PELI1: variants seen among roughly 807,000 people sequenced by gnomAD.
PELI1 encodes pellino E3 ubiquitin protein ligase 1.
PELI1 carries 15 observed loss-of-function variants against 41.3 expected under a neutral mutation model. The observed-to-expected ratio is 0.36, with a 90% CI of 0.24 to 0.56. The LOEUF (loss-of-function observed/expected upper bound fraction) is 0.56. PELI1 is among the 20% of genes least tolerant of loss of function. PELI1 has a pLI of 0.82. For synonymous variants in PELI1, 178 were observed against 180.1 expected (o/e 0.99, Z 0.09); for missense variants, 403 against 525.5 (o/e 0.77, Z 2.28).
intron 2 of PELI1, 50 bp downstream of exon 2, chr2:64,108,190 G>A: frequency 9.8e-7 from 1 of 1,020,552 alleles, no homozygotes; most frequent in Non-Finnish European, 1.5e-6. Context: ...AGATGCCAAA[G>A]TTAGCATATA....
chr2:64,103,113 A>G (rs1255106138), intron 3 of PELI1, among the ~76,000 whole-genome samples: 6 of 152,090 alleles, frequency 3.9e-5, no homozygotes, highest in Non-Finnish European at 5.9e-5. Flanking sequence ...AAGTGCTGGG[A>G]TTATAGGTGT....
In PELI1 at chr2:64,094,677, T is replaced by C. The variant is rs778032090; in HGVS notation, c.*25A>G. The C allele has an allele frequency of 1.2e-5, 19 of 1,556,274 alleles. No homozygotes were observed. Among genetic ancestry groups the C allele is most frequent in the Non-Finnish European group, 1.7e-5 (19 of 1,131,250 alleles). ...ACTCACTTAGCTTATAAATTTATAA[T>C]GTAGTCCTGCAAGACAATGGTCTGT... is the stretch of plus-strand genomic sequence containing the variant. On this transcript the variant is annotated 3_prime_UTR_variant, in exon 7 of 7. Coordinates refer to ENST00000358912, the MANE Select transcript of PELI1 (RefSeq NM_020651.4).
intron 1 of PELI1, among the ~76,000 whole-genome samples, chr2:64,135,916 T>C (rs913858382): frequency 6.6e-6 from 1 of 152,240 alleles, no homozygotes; most frequent in South Asian, 2.1e-4. Context: ...CATTAGGTCA[T>C]AGACACTTAA....
At chr2:64,102,824 G>A (rs889819630) in intron 3 of PELI1, among the ~76,000 whole-genome samples, 4 of 150,656 alleles carry the variant, frequency 2.7e-5, no homozygotes, top group African/African-American at 9.7e-5. Flanking sequence ...ATTTAAAGAG[G>A]AGGAGTCAAT....
At chr2:64,114,749 G>GT (rs1388097934) in intron 1 of PELI1, among the ~76,000 whole-genome samples, 1 of 152,178 alleles carries the variant, frequency 6.6e-6, no homozygotes, top group African/African-American at 2.4e-5. Context: ...GGGTTCAGCA[G>GT]TATCTCTGGC....
intron 1 of PELI1, among the ~76,000 whole-genome samples, chr2:64,110,982 G>A (rs905452575): frequency 1.3e-5 from 2 of 151,598 alleles, no homozygotes; most frequent in African/African-American, 4.8e-5. Flanking sequence ...TAACACTTCT[G>A]ATCAGCCGGA....
intron 4 of PELI1, among the ~76,000 whole-genome samples, chr2:64,098,364 G>C (rs917276295): frequency 1.3e-5 from 2 of 152,058 alleles, no homozygotes; most frequent in African/African-American, 2.4e-5. Flanking sequence ...CTCAAGATTT[G>C]CCTCCCATCT....
chr2:64,131,545 A>G (rs539286355), intron 1 of PELI1, among the ~76,000 whole-genome samples: 11 of 152,154 alleles, frequency 7.2e-5, no homozygotes, highest in African/African-American at 2.4e-4. Flanking sequence ...CAGAAGGCCA[A>G]CTGTACTCGA....
intron 4 of PELI1, 24 bp from the exon 5 acceptor site, chr2:64,096,634 A>G (rs746690666): frequency 1.3e-6 from 2 of 1,521,502 alleles, no homozygotes; most frequent in Non-Finnish European, 1.8e-6. Context: ...AAAAATACCT[A>G]TAAACCCATT....
chr2:64,137,251 T>C (rs1681746283), intron 1 of PELI1, among the ~76,000 whole-genome samples: 3 of 152,160 alleles, frequency 2.0e-5, no homozygotes, highest in African/African-American at 7.2e-5. Context: ...CAACTACTAA[T>C]CTGAGAAATG....
rs769391568 is a variant in PELI1, at chr2:64,096,264, G to A, written c.551C>T (p.Thr184Ile). Residue 184 changes from threonine to isoleucine, a missense_variant, in exon 6 of 7, where the codon ACC (threonine) becomes ATC (isoleucine). Coordinates refer to ENST00000358912, the MANE Select transcript of PELI1 (RefSeq NM_020651.4). ...KTSDGQMDGLTTNGVLVMHPR... is the reference protein window; with the variant it reads ...KTSDGQMDGLITNGVLVMHPR... ...ATGCATCACAAGAACACCATTAGTGGTCAAGCCATCCATCTGTCCATCTGA... is the reference window on the plus strand; with the variant it reads ...ATGCATCACAAGAACACCATTAGTGATCAAGCCATCCATCTGTCCATCTGA... The A allele has an allele frequency of 1.9e-6, 3 of 1,614,028 alleles. No individual in the cohort carries two copies. In the South Asian group the frequency reaches 3.3e-5, roughly 18 times the overall value.
chr2:64,123,225 GA>G (rs1318584094), intron 1 of PELI1, among the ~76,000 whole-genome samples: 2 of 152,180 alleles, frequency 1.3e-5, no homozygotes, highest in Non-Finnish European at 2.9e-5. Context: ...AAAATTTAAT[GA>G]AAGGCATACC....
intron 1 of PELI1, among the ~76,000 whole-genome samples, chr2:64,118,286 T>C (rs1681070754): frequency 6.6e-6 from 1 of 152,152 alleles, no homozygotes; most frequent in Admixed American, 6.5e-5. Context: ...ATTAGGTAAA[T>C]TATTATGAAC....
At chr2:64,133,796 G>A (rs1412006290) in intron 1 of PELI1, among the ~76,000 whole-genome samples, 1 of 150,958 alleles carries the variant, frequency 6.6e-6, no homozygotes, top group Non-Finnish European at 1.5e-5. Context: ...AAACCAATTA[G>A]AAATTAACTG....
At chr2:64,118,454 T>A (rs1346984648) in intron 1 of PELI1, among the ~76,000 whole-genome samples, 1 of 152,130 alleles carries the variant, frequency 6.6e-6, no homozygotes, top group Admixed American at 6.5e-5. Flanking sequence ...ATTCTAGAAA[T>A]CAGATTAAGC....
chr2:64,130,375 C>T (rs764573269), intron 1 of PELI1, among the ~76,000 whole-genome samples: 5 of 152,100 alleles, frequency 3.3e-5, no homozygotes, highest in Admixed American at 6.5e-5. Flanking sequence ...GTGTTGTTAA[C>T]GTTATCACTA....
At chr2:64,110,100 C>T (rs963205929) in intron 1 of PELI1, among the ~76,000 whole-genome samples, 6 of 151,940 alleles carry the variant, frequency 3.9e-5, no homozygotes, top group South Asian at 4.2e-4. Flanking sequence ...CAAAAATTAG[C>T]CAGGCATGGT....
intron 1 of PELI1, among the ~76,000 whole-genome samples, chr2:64,135,826 C>A (rs1247509655): frequency 6.6e-6 from 1 of 152,180 alleles, no homozygotes; most frequent in East Asian, 1.9e-4. Context: ...TGCACTTTTG[C>A]AAAGCAATAA....
At chr2:64,133,051 T>C (rs570541260) in intron 1 of PELI1, among the ~76,000 whole-genome samples, 8 of 152,324 alleles carry the variant, frequency 5.3e-5, no homozygotes, top group South Asian at 4.1e-4. Context: ...AGAATTCCTA[T>C]GTCTTCATCA....
Sources: gnomAD v4.1 joint callset for allele counts (sites outside exome capture counted in the v4.1 genomes callset) on GRCh38, gnomAD v4.1.1 for gene constraint, MANE v1.5 for transcripts, NCBI Gene and HGNC (gene_info 2026-07-23, HGNC 2026-07-21) for gene names.